Variants in ADGRL3 observed in about 807,000 individuals in gnomAD.
ADGRL3 encodes the protein adhesion G protein-coupled receptor L3.
In ADGRL3, 62 loss-of-function variants were observed where a neutral mutation model predicts 153.5. The ratio of observed to expected loss-of-function variants is 0.40; its 90% confidence interval spans 0.33 to 0.50. ADGRL3 has a LOEUF of 0.50. ADGRL3 is among the 20% of genes least tolerant of loss of function. ADGRL3 has a pLI of 0.47. For synonymous variants in ADGRL3, 710 were observed against 672.5 expected (o/e 1.06, Z -0.86); for missense variants, 1,641 against 1,859.4 (o/e 0.88, Z 2.16).
intron 2 of ADGRL3, among the ~76,000 whole-genome samples, chr4:61,473,536 A>G (rs1203587074): frequency 5.3e-5 from 8 of 152,090 alleles, no homozygotes; most frequent in African/African-American, 1.9e-4. Context: ...ACAAGTTTCT[A>G]AAAGTTATTG....
At chr4:61,671,869 C>G (rs1168862556) in intron 5 of ADGRL3, among the ~76,000 whole-genome samples, 1 of 152,122 alleles carries the variant, frequency 6.6e-6, no homozygotes, top group Non-Finnish European at 1.5e-5. Flanking sequence ...ACTCCACTGA[C>G]TATTATTTGA....
chr4:61,410,385 A>G (rs1243604361), intron 2 of ADGRL3, among the ~76,000 whole-genome samples: 1 of 151,930 alleles, frequency 6.6e-6, no homozygotes, highest in Non-Finnish European at 1.5e-5. Flanking sequence ...TTACTTCAGT[A>G]TGTATTGTGT....
At chr4:61,301,358 G>A (rs1415458967) in intron 1 of ADGRL3, among the ~76,000 whole-genome samples, 3 of 152,152 alleles carry the variant, frequency 2.0e-5, no homozygotes, top group South Asian at 4.1e-4. Flanking sequence ...AAGAAATATT[G>A]TCTGTACTGG....
chr4:61,575,603 T>C (rs894360579), intron 4 of ADGRL3, among the ~76,000 whole-genome samples: 4 of 152,046 alleles, frequency 2.6e-5, no homozygotes, highest in African/African-American at 9.7e-5. Flanking sequence ...CAATGTTTTA[T>C]TGACCACTGA....
chr4:61,949,415 A>T (rs1312956614), intron 17 of ADGRL3, among the ~76,000 whole-genome samples: 20 of 152,186 alleles, frequency 1.3e-4, no homozygotes, highest in Non-Finnish European at 2.9e-4. Flanking sequence ...ATCTTAAAAT[A>T]GGCCGGGCAT....
intron 6 of ADGRL3, among the ~76,000 whole-genome samples, chr4:61,716,992 T>C (rs969824608): frequency 2.0e-5 from 3 of 152,106 alleles, no homozygotes; most frequent in African/African-American, 7.2e-5. Context: ...AACTTGACCA[T>C]GGTGTGATGA....
At chr4:61,384,397 CTCTT>C (rs1362385130) in intron 2 of ADGRL3, among the ~76,000 whole-genome samples, 6 of 151,138 alleles carry the variant, frequency 4.0e-5, no homozygotes, top group African/African-American at 7.3e-5. Flanking sequence ...ATGTGATTGA[CTCTT>C]TCATTTATAT....
At chr4:61,600,834 TA>T (rs980794167) in intron 5 of ADGRL3, among the ~76,000 whole-genome samples, 1 of 152,012 alleles carries the variant, frequency 6.6e-6, no homozygotes, top group Non-Finnish European at 1.5e-5. Context: ...CTTCACGTTC[TA>T]AAAAAAACAT....
intron 18 of ADGRL3, among the ~76,000 whole-genome samples, chr4:61,982,202 C>T (rs868457306): frequency 2.6e-5 from 4 of 152,126 alleles, no homozygotes; most frequent in Middle Eastern, 3.4e-3. Flanking sequence ...TGAAAAACTT[C>T]GCCAAATATT....
chr4:61,766,732 G>A (rs561874284), intron 8 of ADGRL3, among the ~76,000 whole-genome samples: 15 of 151,926 alleles, frequency 9.9e-5, no homozygotes, highest in Admixed American at 8.5e-4. Context: ...AAGTGAAAGC[G>A]AAGAGAGGCT....
intron 9 of ADGRL3, among the ~76,000 whole-genome samples, chr4:61,870,252 T>C (rs1191012961): frequency 6.6e-6 from 1 of 152,134 alleles, no homozygotes; most frequent in East Asian, 1.9e-4. Context: ...GACAACTGGA[T>C]ATCCACATAC....
chr4:61,251,726 A>T (rs1165162663), intron 1 of ADGRL3, among the ~76,000 whole-genome samples: 2 of 151,772 alleles, frequency 1.3e-5, no homozygotes, highest in East Asian at 3.9e-4. Context: ...TGTAAATTTA[A>T]TCCTAGATTT....
chr4:61,610,136 G>GATAT (rs1553981109), intron 5 of ADGRL3, among the ~76,000 whole-genome samples: 3 of 120,358 alleles, frequency 2.5e-5, no homozygotes, highest in Non-Finnish European at 3.2e-5. Flanking sequence ...TAAGGGAAGT[G>GATAT]AGATATATAT....
At chr4:61,752,866 G>A (rs2096773782) in intron 8 of ADGRL3, among the ~76,000 whole-genome samples, 1 of 152,102 alleles carries the variant, frequency 6.6e-6, no homozygotes, top group Non-Finnish European at 1.5e-5. Flanking sequence ...CCTGGGAGGT[G>A]GAGATTGCAG....
intron 4 of ADGRL3, among the ~76,000 whole-genome samples, chr4:61,556,373 G>A (rs2098766904): frequency 6.6e-6 from 1 of 152,114 alleles, no homozygotes; most frequent in Non-Finnish European, 1.5e-5. Flanking sequence ...GGAGTTTGAG[G>A]AACAGCAAGG....
chr4:62,021,229 TG>T (rs1385113548), intron 21 of ADGRL3, among the ~76,000 whole-genome samples: 1 of 152,172 alleles, frequency 6.6e-6, no homozygotes, highest in Admixed American at 6.6e-5. Flanking sequence ...TGCATAATTT[TG>T]TGTAGCAAAT....
intron 17 of ADGRL3, among the ~76,000 whole-genome samples, chr4:61,972,049 G>T (rs1341733428): frequency 6.6e-6 from 1 of 151,744 alleles, no homozygotes; most frequent in Non-Finnish European, 1.5e-5. Flanking sequence ...TGTAGATTCT[G>T]GATATTAGCC....
chr4:62,070,568 G>C lies in ADGRL3; in HGVS notation c.4292G>C (p.Ser1431Thr). 6.4e-7 allele frequency: 1 copy of C among 1,551,134 alleles called. No homozygotes were observed. The change falls in exon 27 of 27, where the codon AGC (serine) becomes ACC (threonine). Residue 1431 changes from serine (S) to threonine (T), a missense_variant. Transcript: ENST00000683033. ...RRRIPQDHSE[S>T]FFPLLTNEHT... ...CGGATCCCCCAAGACCACAGTGAGA[G>C]CTTTTTCCCTTTGCTAACCAACGAG...
At chr4:61,316,221 C>T (rs1329808628) in intron 1 of ADGRL3, among the ~76,000 whole-genome samples, 3 of 152,036 alleles carry the variant, frequency 2.0e-5, no homozygotes, top group African/African-American at 7.2e-5. Flanking sequence ...AAGAGGAAAG[C>T]TCTTGATGAT....
Sources: gnomAD v4.1 joint callset for allele counts (sites outside exome capture counted in the v4.1 genomes callset) on GRCh38, gnomAD v4.1.1 for gene constraint, MANE v1.5 for transcripts, NCBI Gene and HGNC (gene_info 2026-07-23, HGNC 2026-07-21) for gene names.